The following CSMD1 variants were observed in gnomAD, a reference collection of about 807,000 sequenced individuals.
CSMD1 encodes the protein CUB and sushi domain-containing protein 1.
Under a neutral mutation model 417.5 loss-of-function variants are expected in CSMD1, and 213 were observed. That is an observed-to-expected ratio of 0.51 (90% confidence interval 0.46 to 0.57). The LOEUF is 0.57. Among genes scored for constraint, CSMD1 ranks in the 20% least tolerant of loss-of-function variants. CSMD1 has a pLI of 0.00. For synonymous variants in CSMD1, 2,862 were observed against 1,736.8 expected, an observed-to-expected ratio of 1.65 and a Z score of -16.11; for missense variants, 6,923 against 4,529.7, an observed-to-expected ratio of 1.53 and a Z score of -15.17.
chr8:3,556,953 G>C (rs752128271), intron 10 of CSMD1, among the ~76,000 whole-genome samples: 2 of 152,160 alleles, frequency 1.3e-5, no homozygotes, highest in Admixed American at 1.3e-4. Context: ...GCCTCACTTA[G>C]AGAACTGCTA....
chr8:4,285,299 C>T (rs1357859436), intron 3 of CSMD1, among the ~76,000 whole-genome samples: 1 of 152,168 alleles, frequency 6.6e-6, no homozygotes, highest in Non-Finnish European at 1.5e-5. Flanking sequence ...AATCAAATTA[C>T]TCTCTGAAGC....
chr8:4,306,803 T>C (rs1475517789), intron 3 of CSMD1, among the ~76,000 whole-genome samples: 2 of 150,926 alleles, frequency 1.3e-5, no homozygotes, highest in African/African-American at 4.9e-5. Context: ...CCATTCTCCA[T>C]AGCACCAATC....
At chr8:4,446,826 T>G (rs564596127) in intron 2 of CSMD1, among the ~76,000 whole-genome samples, 54 of 150,740 alleles carry the variant, frequency 3.6e-4, no homozygotes, top group Admixed American at 3.4e-3. Context: ...TTTCTCCATC[T>G]TGGCCAGACT....
chr8:4,899,695 A>T (rs1280703165), intron 1 of CSMD1, among the ~76,000 whole-genome samples: 1 of 152,190 alleles, frequency 6.6e-6, no homozygotes, highest in South Asian at 2.1e-4. Flanking sequence ...TAAAATGTGT[A>T]TAGTTAAAAA....
intron 51 of CSMD1, among the ~76,000 whole-genome samples, chr8:3,020,842 G>T (rs1330618049): frequency 6.6e-6 from 1 of 152,102 alleles, no homozygotes; most frequent in Admixed American, 6.5e-5. Flanking sequence ...TTGGTTTTGG[G>T]GATTGCTAAA....
intron 2 of CSMD1, among the ~76,000 whole-genome samples, chr8:4,530,409 G>A (rs1013838887): frequency 2.2e-5 from 3 of 138,844 alleles, no homozygotes; most frequent in Non-Finnish European, 3.0e-5. Context: ...CATTTGCCAT[G>A]GTGGTTTGCT....
In CSMD1 at chr8:3,194,943, G is replaced by T. The variant is rs531155142; in HGVS notation, c.5194+4771C>A. ...GACCCGGAAAACATGACTTGAAAAA[G>T]TCCTGGCCAATAGACATTTACAAGC... On this transcript the variant is annotated intron_variant, in intron 33 of 69. Coordinates refer to ENST00000635120, the MANE Select transcript of CSMD1 (RefSeq NM_033225.6). 2.6e-5 allele frequency among the ~76,000 whole-genome samples: 4 copies of T among 152,214 alleles called. 1 individual carries two copies. The South Asian group carries it at 8.3e-4, about 32-fold the overall frequency.
At chr8:4,220,360 C>A (rs1459165711) in intron 3 of CSMD1, among the ~76,000 whole-genome samples, 1 of 152,146 alleles carries the variant, frequency 6.6e-6, no homozygotes, top group Non-Finnish European at 1.5e-5. Flanking sequence ...GGAAAGAGGA[C>A]CACACCATGA....
chr8:3,727,775 T>C lies in CSMD1; in HGVS notation c.932-19284A>G, dbSNP rs1303432109. ...GATCTGACCATATAATCGGTTATAA[T>C]TTAGTCTTAAAAAGGAAGGAAACGC... On this transcript the variant is annotated intron_variant, in intron 6 of 69. Transcript: ENST00000635120. Among the ~76,000 whole-genome samples the C allele has an allele frequency of 2.6e-5, 4 of 152,130 alleles. No individual in the cohort carries two copies. In the East Asian group the frequency reaches 7.7e-4, roughly 29 times the overall value.
intron 5 of CSMD1, among the ~76,000 whole-genome samples, chr8:3,905,030 C>G (rs529459608): frequency 1.3e-5 from 2 of 152,228 alleles, no homozygotes; most frequent in East Asian, 3.9e-4. Flanking sequence ...AGAACTTGTA[C>G]TGGTGACTGA....
At chr8:3,026,813 A>G (rs913083712) in intron 51 of CSMD1, among the ~76,000 whole-genome samples, 1 of 152,238 alleles carries the variant, frequency 6.6e-6, no homozygotes, top group Non-Finnish European at 1.5e-5. Context: ...TTTTAAAAAT[A>G]AAAATTTTAT....
chr8:4,768,128 A>T (rs1812593417), intron 1 of CSMD1, among the ~76,000 whole-genome samples: 1 of 152,068 alleles, frequency 6.6e-6, no homozygotes, highest in Non-Finnish European at 1.5e-5. Flanking sequence ...GAAAATTATA[A>T]ACAGATGTTT....
At chr8:4,058,888 G>A (rs535870420) in intron 3 of CSMD1, among the ~76,000 whole-genome samples, 35 of 147,442 alleles carry the variant, frequency 2.4e-4, no homozygotes, top group Non-Finnish European at 4.9e-4. Flanking sequence ...ATCAACGAGA[G>A]AGAAAGTTAA....
chr8:4,174,284 T>C (rs78923383), intron 3 of CSMD1, among the ~76,000 whole-genome samples: 2,041 of 152,232 alleles, frequency 0.013, 23 homozygotes, highest in Non-Finnish European at 0.02. Context: ...AGGCTAAGTA[T>C]TTCATCATTT....
intron 5 of CSMD1, among the ~76,000 whole-genome samples, chr8:3,931,881 C>T (rs1810172300): frequency 7.0e-6 from 1 of 142,706 alleles, no homozygotes; most frequent in African/African-American, 2.6e-5. Context: ...TTTTGGTTGT[C>T]AGACATTGTA....
At chr8:3,341,296 G>C (rs1178744141) in intron 23 of CSMD1, among the ~76,000 whole-genome samples, 1 of 152,168 alleles carries the variant, frequency 6.6e-6, no homozygotes, top group Non-Finnish European at 1.5e-5. Flanking sequence ...CTGGACAACA[G>C]AAGAGGCTTC....
chr8:3,240,488 G>C (rs1299214110), intron 26 of CSMD1, among the ~76,000 whole-genome samples: 2 of 152,074 alleles, frequency 1.3e-5, no homozygotes, highest in Non-Finnish European at 2.9e-5. Context: ...GGCAGGGAGA[G>C]CACGTGTGTT....
At chr8:4,476,770 G>C (rs1184882366) in intron 2 of CSMD1, among the ~76,000 whole-genome samples, 6 of 152,114 alleles carry the variant, frequency 3.9e-5, no homozygotes, top group South Asian at 2.1e-4. Flanking sequence ...GTAAGGATTA[G>C]ATGGCACAGA....
At chr8:3,475,865 CT>C (rs1449981997) in intron 11 of CSMD1, among the ~76,000 whole-genome samples, 1 of 152,198 alleles carries the variant, frequency 6.6e-6, no homozygotes, top group African/African-American at 2.4e-5. Flanking sequence ...TAACTAAACT[CT>C]TTCCAATGCA....
Sources: allele counts gnomAD v4.1 joint callset (sites outside exome capture counted in the v4.1 genomes callset), GRCh38; gene constraint gnomAD v4.1.1; transcripts MANE v1.5; gene names NCBI Gene and HGNC (gene_info 2026-07-23, HGNC 2026-07-21).